Variants in KIF4B observed in about 807,000 individuals in gnomAD.
KIF4B encodes chromosome-associated kinesin KIF4B.
Under a neutral mutation model 69.0 loss-of-function variants are expected in KIF4B, and 60 were observed. The observed-to-expected ratio is 0.87, with a 90% CI of 0.71 to 1.08. KIF4B has a LOEUF of 1.08. KIF4B is among the 50% of genes least tolerant of loss of function. The pLI, the probability that KIF4B is intolerant of heterozygous loss-of-function variation, is 0.00. For synonymous variants in KIF4B, 489 were observed against 533.0 expected (o/e 0.92, Z 1.14); for missense variants, 1,357 against 1,451.9 (o/e 0.93, Z 1.06).
At position 155,016,527 on chromosome 5, in the gene KIF4B, C is replaced by G. The variant is rs1401365475; in HGVS notation, c.2668C>G (p.Gln890Glu). Residue 890 changes from glutamine to glutamate, a missense_variant, in exon 1 of 1, where the codon CAG becomes GAG. Gln to Glu is a conservative substitution (Grantham distance 29, BLOSUM62 2). Transcript: ENST00000435029. ...CACCAAACTTGAAAACAGCCTGAGACAGAGCAAGGCCAGCTGTGCTGACAT... is the reference window on the plus strand; with the variant it reads ...CACCAAACTTGAAAACAGCCTGAGAGAGAGCAAGGCCAGCTGTGCTGACAT... ...HVTKLENSLR[Q>E]SKASCADMQK... 6.2e-7 allele frequency: 1 copy of G among 1,614,086 alleles called. No individual in the cohort carries two copies. The highest frequency in any genetic ancestry group is 1.3e-5 in the African/African-American group (1 of 74,936).
chr5:155,016,217 A>C lies in KIF4B; in HGVS notation c.2358A>C (p.Glu786Asp), dbSNP rs891248821. ...TGGTTCAACTCAAAGAAAAAAAGGA[A>C]TCTCGGGAGAATCCACCTCCTAAAC... ...QDVVQLKEKK[E>D]SRENPPPKLR... is the part of the protein sequence containing the mutation. The change falls in exon 1 of 1, where the codon GAA (glutamate) becomes GAC (aspartate). Residue 786 changes from glutamate to aspartate, a missense_variant. Coordinates refer to ENST00000435029, the MANE Select transcript of KIF4B (RefSeq NM_001099293.3). The C allele has an allele frequency of 7.4e-6, 12 of 1,614,146 alleles. No individual in the cohort carries two copies. Among genetic ancestry groups the C allele is most frequent in the Non-Finnish European group, 1.0e-5 (12 of 1,180,024 alleles).
At position 155,015,963 on chromosome 5, in the gene KIF4B, C is replaced by G. The variant is rs200320925; in HGVS notation, c.2104C>G (p.Arg702Gly). 16 of 1,614,156 alleles carry G rather than the reference C, an allele frequency of 9.9e-6. No homozygotes were observed. The highest frequency in any genetic ancestry group is 5.1e-6 in the Non-Finnish European group (6 of 1,180,032). The change falls in exon 1 of 1, where the codon CGT becomes GGT. Residue 702 changes from arginine (R) to glycine (G), a missense_variant. By Grantham distance (125) the Arg-to-Gly change is moderately radical. Transcript: ENST00000435029. ...CCAGAAACAATCCAGTGTGCTCAGA[C>G]GTAAAACGGAAGAGGCAGCAGCTGC... is the stretch of plus-strand genomic sequence containing the variant. ...NFQKQSSVLR[R>G]KTEEAAAANK... is the part of the protein sequence containing the mutation.
rs753295840 is a variant in KIF4B, at chr5:155,013,810, G to A, written c.-50G>A. On this transcript the variant is annotated 5_prime_UTR_variant, in exon 1 of 1. Coordinates refer to ENST00000435029, the MANE Select transcript of KIF4B (RefSeq NM_001099293.3). ...CTGGGACAGGGCGGCGGGAGACCCC[G>A]GGTGAACGGGGAAGGGACATTTAGT... 30 of 1,601,684 alleles carry A rather than the reference G, an allele frequency of 1.9e-5. No individual in the cohort carries two copies. Among genetic ancestry groups the A allele is most frequent in the Non-Finnish European group, 2.3e-5 (27 of 1,172,644 alleles).
At position 155,016,084 on chromosome 5, in the gene KIF4B, G is replaced by A. The variant is rs376936430; in HGVS notation, c.2225G>A (p.Arg742Gln). 120 of 1,614,068 alleles carry A rather than the reference G, an allele frequency of 7.4e-5. No homozygotes were observed. The African/African-American group carries it at 1.1e-3, about 15-fold the overall frequency. The change falls in exon 1 of 1, where the codon CGA (arginine) becomes CAA (glutamine). Residue 742 changes from arginine to glutamine, a missense_variant. Arg to Gln is a conservative substitution (Grantham distance 43). Transcript: ENST00000435029. ...CATGGAAAGGAAGGTATTGCAGCTC[G>A]AGTGAGGAATTGGCTTGGAAATGAA... is the stretch of plus-strand genomic sequence containing the variant. The part of the protein sequence containing the change: ...QSHGKEGIAA[R>Q]VRNWLGNEIE...
Position 155,016,486 on chromosome 5 carries a change from C to T in KIF4B, c.2627C>T (p.Ser876Phe), listed in dbSNP as rs1765334564. 1 of 1,614,042 alleles carries T rather than the reference C, an allele frequency of 6.2e-7. No homozygotes were observed. The highest frequency in any genetic ancestry group is 1.3e-5 in the African/African-American group (1 of 74,920). Residue 876 changes from serine (S) to phenylalanine (F), a missense_variant, in exon 1 of 1, where the codon TCC (serine) becomes TTC (phenylalanine). Physicochemically the swap from Ser to Phe is radical, Grantham distance 155. Coordinates refer to ENST00000435029, the MANE Select transcript of KIF4B (RefSeq NM_001099293.3). Reference protein sequence around the residue: ...ALKYLIGELVSSKIHVTKLEN... With the variant: ...ALKYLIGELVFSKIHVTKLEN... ...AAATATTTGATTGGAGAGCTGGTCTCCTCCAAAATACATGTCACCAAACTT... is the reference window on the plus strand; with the variant it reads ...AAATATTTGATTGGAGAGCTGGTCTTCTCCAAAATACATGTCACCAAACTT...
rs1462933214 is a variant in KIF4B at position 155,016,310 on chromosome 5, A to G, written c.2451A>G (p.Thr817=). 17 of 1,614,110 alleles carry G rather than the reference A, an allele frequency of 1.1e-5. No homozygotes were observed. Among genetic ancestry groups the G allele is most frequent in the Admixed American group, 8.3e-5 (5 of 60,004 alleles). The change falls in exon 1 of 1, where the codon ACA becomes ACG. Residue 817 remains threonine (T), a synonymous_variant. Transcript: ENST00000435029. The part of the protein sequence containing the change: ...GQVLESEDCI[T]KQIESLETEM... ...TTTTGGAGTCAGAAGATTGTATTAC[A>G]AAACAGATTGAAAGCCTAGAGACTG...
rs1056335592 is a variant in KIF4B at position 155,016,549 on chromosome 5, A to G, written c.2690A>G (p.Asp897Gly). 1.2e-6 allele frequency: 2 copies of G among 1,614,094 alleles called. No homozygotes were observed. Among genetic ancestry groups the G allele is most frequent in the African/African-American group, 2.7e-5 (2 of 74,916 alleles). Residue 897 changes from aspartate (D) to glycine (G), a missense_variant, in exon 1 of 1, where the codon GAC becomes GGC. Coordinates refer to ENST00000435029, the MANE Select transcript of KIF4B (RefSeq NM_001099293.3). ...SLRQSKASCADMQKMLFEEQN... is the reference protein window; with the variant it reads ...SLRQSKASCAGMQKMLFEEQN... ...AGACAGAGCAAGGCCAGCTGTGCTG[A>G]CATGCAGAAGATGCTATTTGAGGAA...
chr5:155,014,219 A>T lies in KIF4B; in HGVS notation c.360A>T (p.Gln120His). The change falls in exon 1 of 1, where the codon CAA becomes CAT. Residue 120 changes from glutamine (Q) to histidine (H), a missense_variant. Transcript: ENST00000435029. ...PTVGIIPRVI[Q>H]LLFKEIDKKS... is the part of the protein sequence containing the mutation. ...TTGGCATTATTCCTAGGGTAATACA[A>T]CTGCTCTTCAAAGAAATTGATAAAA... The T allele has an allele frequency of 6.2e-7, 1 of 1,614,260 alleles. No individual in the cohort carries two copies. The highest frequency in any genetic ancestry group is 8.5e-7 in the Non-Finnish European group (1 of 1,180,056).
rs1765336823 is a variant in KIF4B at position 155,016,597 on chromosome 5, A to T, written c.2738A>T (p.Glu913Val). 6.2e-7 allele frequency: 1 copy of T among 1,614,220 alleles called. No homozygotes were observed. Residue 913 changes from glutamate (E) to valine (V), a missense_variant, in exon 1 of 1, where the codon GAG (glutamate) becomes GTG (valine). Coordinates refer to ENST00000435029, the MANE Select transcript of KIF4B (RefSeq NM_001099293.3). ...FEEQNHFSEI[E>V]TELQAELVRM... Reference sequence around the variant, plus strand: ...GAACAAAATCATTTTTCTGAGATAGAGACAGAGTTACAAGCTGAGCTGGTC... The same window carrying T: ...GAACAAAATCATTTTTCTGAGATAGTGACAGAGTTACAAGCTGAGCTGGTC...
Position 155,014,877 on chromosome 5 carries a change from C to T in KIF4B, c.1018C>T (p.Pro340Ser), listed in dbSNP as rs532928887. The T allele has an allele frequency of 1.2e-6, 2 of 1,614,116 alleles. No individual in the cohort carries two copies. The highest frequency in any genetic ancestry group is 1.3e-5 in the African/African-American group (1 of 75,014). The change falls in exon 1 of 1, where the codon CCT becomes TCT. Residue 340 changes from proline to serine, a missense_variant. Transcript: ENST00000435029. ...CAGAGCAAGAAAAATCAAGAACAAA[C>T]CTATTGTTAATATTGATCCCCACAC... ...ADRARKIKNK[P>S]IVNIDPHTAE...
chr5:155,016,536 G>T lies in KIF4B; in HGVS notation c.2677G>T (p.Ala893Ser), dbSNP rs539284143. The change falls in exon 1 of 1, where the codon GCC (alanine) becomes TCC (serine). Residue 893 changes from alanine (A) to serine (S), a missense_variant. By Grantham distance (99) the Ala-to-Ser change is moderately conservative. Coordinates refer to ENST00000435029, the MANE Select transcript of KIF4B (RefSeq NM_001099293.3). ...KLENSLRQSK[A>S]SCADMQKMLF... ...TGAAAACAGCCTGAGACAGAGCAAG[G>T]CCAGCTGTGCTGACATGCAGAAGAT... 10 of 1,614,044 alleles carry T rather than the reference G, an allele frequency of 6.2e-6. No individual in the cohort carries two copies. Among genetic ancestry groups the T allele is most frequent in the Non-Finnish European group, 7.6e-6 (9 of 1,180,052 alleles).
Position 155,016,038 on chromosome 5 carries a change from A to AAGCGGAAAGAGACTCAGAGCC in KIF4B, c.2181_2201dup (p.Ser733_His734insGlnArgLysGluThrGlnSer), listed in dbSNP as rs1213727241. On this transcript the variant is annotated inframe_insertion, in exon 1 of 1. Coordinates refer to ENST00000435029, the MANE Select transcript of KIF4B (RefSeq NM_001099293.3). The stretch of plus-strand genomic sequence containing the variant: ...CCAGAAACAACGAGAGGTCACAGAT[A>AAGCGGAAAGAGACTCAGAGCC]AGCGGAAAGAGACTCAGAGCCATGG... 6.2e-7 allele frequency: 1 copy of AAGCGGAAAGAGACTCAGAGCC among 1,614,048 alleles called. No individual in the cohort carries two copies. The highest frequency in any genetic ancestry group is 2.2e-5 in the East Asian group (1 of 44,894).
Position 155,015,324 on chromosome 5 carries a change from G to A in KIF4B, c.1465G>A (p.Asp489Asn), listed in dbSNP as rs760719186. 2 of 1,614,198 alleles carry A rather than the reference G, an allele frequency of 1.2e-6. No individual in the cohort carries two copies. The highest frequency in any genetic ancestry group is 1.6e-4 in the Middle Eastern group (1 of 6,062). The change falls in exon 1 of 1, where the codon GAT becomes AAT. Residue 489 changes from aspartate (D) to asparagine (N), a missense_variant. By Grantham distance (23) the Asp-to-Asn change is conservative. Transcript: ENST00000435029. ...TGTTGCTTGCACGGCTGCAGCCATT[G>A]ATACTGCGGTAGAAGAAGAAGCTCA... is the stretch of plus-strand genomic sequence containing the variant. ...ETVACTAAAI[D>N]TAVEEEAQVE... is the part of the protein sequence containing the mutation.
chr5:155,013,949 G>A lies in KIF4B; in HGVS notation c.90G>A (p.Met30Ile). The change falls in exon 1 of 1, where the codon ATG (methionine) becomes ATA (isoleucine). Residue 30 changes from methionine to isoleucine, a missense_variant. Physicochemically the swap from Met to Ile is conservative, Grantham distance 10. Transcript: ENST00000435029. ...AAGAGATTAGCGAGGGCTGCCAGAT[G>A]TGCCTTTCCTTCGTGCCCGGGGAGA... Reference protein sequence around the residue: ...VPKEISEGCQMCLSFVPGETQ... With the variant: ...VPKEISEGCQICLSFVPGETQ... 1 of 1,614,262 alleles carries A rather than the reference G, an allele frequency of 6.2e-7. No individual in the cohort carries two copies. The highest frequency in any genetic ancestry group is 2.2e-5 in the East Asian group (1 of 44,888).
Position 155,016,548 on chromosome 5 carries a change from G to T in KIF4B, c.2689G>T (p.Asp897Tyr). The T allele has an allele frequency of 6.2e-7, 1 of 1,614,186 alleles. No individual in the cohort carries two copies. The highest frequency in any genetic ancestry group is 1.1e-5 in the South Asian group (1 of 91,084). The stretch of plus-strand genomic sequence containing the variant: ...GAGACAGAGCAAGGCCAGCTGTGCT[G>T]ACATGCAGAAGATGCTATTTGAGGA... ...SLRQSKASCA[D>Y]MQKMLFEEQN... Residue 897 changes from aspartate to tyrosine, a missense_variant, in exon 1 of 1, where the codon GAC becomes TAC. Transcript: ENST00000435029.
rs115391126 is a variant in KIF4B at position 155,015,252 on chromosome 5, A to T, written c.1393A>T (p.Ile465Leu). The change falls in exon 1 of 1, where the codon ATA becomes TTA. Residue 465 changes from isoleucine (I) to leucine (L), a missense_variant. Physicochemically the swap from Ile to Leu is conservative, Grantham distance 5. Transcript: ENST00000435029. Reference sequence around the variant, plus strand: ...CCAGGAATTGAAAGAAAATGTAGAGATAATTTGTAACCTGCAGCAACTGAT... The same window carrying T: ...CCAGGAATTGAAAGAAAATGTAGAGTTAATTTGTAACCTGCAGCAACTGAT... ...EDQELKENVE[I>L]ICNLQQLITQ... The T allele has an allele frequency of 0.01, 16,364 of 1,614,218 alleles. 98 individuals are homozygous for T. Among genetic ancestry groups the T allele is most frequent in the Non-Finnish European group, 0.013 (15,150 of 1,180,036 alleles).
chr5:155,017,591 A>T lies in KIF4B; in HGVS notation c.*27A>T. 1 of 1,600,006 alleles carries T rather than the reference A, an allele frequency of 6.2e-7. No individual in the cohort carries two copies. Among genetic ancestry groups the T allele is most frequent in the Non-Finnish European group, 8.5e-7 (1 of 1,174,598 alleles). ...GTTGGAGTCATCATCTCTACCCCCA[A>T]TCTGGCTTGGGAGATGCTTTCCAGT... is the stretch of plus-strand genomic sequence containing the variant. On this transcript the variant is annotated 3_prime_UTR_variant, in exon 1 of 1. Coordinates refer to ENST00000435029, the MANE Select transcript of KIF4B (RefSeq NM_001099293.3).
At position 155,015,866 on chromosome 5, in the gene KIF4B, CAAAG is replaced by C. The variant is rs1397133266; in HGVS notation, c.2010_2013del (p.Glu671Ter). ...TTAGACAATGGAAGCAGAAAAAAGA[CAAAG>C]AAGTAATACAGTTGAAAGAACGAGA... On this transcript the variant is annotated frameshift_variant, in exon 1 of 1. Transcript: ENST00000435029. LOFTEE classifies it high-confidence loss of function. 2 of 1,614,002 alleles carry C rather than the reference CAAAG, an allele frequency of 1.2e-6. No individual in the cohort carries two copies. The highest frequency in any genetic ancestry group is 2.2e-5 in the East Asian group (1 of 44,892).
Position 155,015,477 on chromosome 5 carries a change from G to C in KIF4B, c.1618G>C (p.Val540Leu). 6.2e-7 allele frequency: 1 copy of C among 1,614,180 alleles called. No individual in the cohort carries two copies. The highest frequency in any genetic ancestry group is 8.5e-7 in the Non-Finnish European group (1 of 1,180,036). ...NNALALKEAL[V>L]RKMTQNDNQL... is the part of the protein sequence containing the mutation. Reference sequence around the variant, plus strand: ...CGCCCTTGCACTGAAAGAGGCCCTAGTTAGGAAGATGACTCAGAACGACAA... The same window carrying C: ...CGCCCTTGCACTGAAAGAGGCCCTACTTAGGAAGATGACTCAGAACGACAA... Residue 540 changes from valine (V) to leucine (L), a missense_variant, in exon 1 of 1, where the codon GTT (valine) becomes CTT (leucine). Coordinates refer to ENST00000435029, the MANE Select transcript of KIF4B (RefSeq NM_001099293.3).
Sources: gnomAD v4.1 joint callset for allele counts on GRCh38, gnomAD v4.1.1 for gene constraint, MANE v1.5 for transcripts, NCBI Gene and HGNC (gene_info 2026-07-23, HGNC 2026-07-21) for gene names.